ETS1: variants seen among roughly 807,000 people sequenced by gnomAD.
ETS1 encodes ETS proto-oncogene 1, transcription factor, also known as protein C-ets-1.
Under a neutral mutation model 58.6 loss-of-function variants are expected in ETS1, and 15 were observed. That is an observed-to-expected ratio of 0.26 (90% confidence interval 0.17 to 0.39). ETS1 has a LOEUF of 0.39. Among genes scored for constraint, ETS1 ranks in the 10% least tolerant of loss-of-function variants. The pLI is 1.00. For missense variants in ETS1, 417 were observed against 610.5 expected (o/e 0.68, Z 3.34); for synonymous variants, 214 against 218.2 (o/e 0.98, Z 0.17).
intron 3 of ETS1, chr11:128,526,962 A>G (rs1422548885): frequency 2.2e-6 from 1 of 456,302 alleles, no homozygotes; most frequent in Non-Finnish European, 4.4e-6. Flanking sequence ...CAGTGTCAGT[A>G]CTAGAACCAG....
In ETS1 at chr11:128,567,794, G is replaced by A. The variant is rs538889315; in HGVS notation, c.69+5268C>T. 9.9e-5 allele frequency among the ~76,000 whole-genome samples: 15 copies of A among 152,054 alleles called. No homozygotes were observed. The South Asian group carries it at 1.5e-3, about 15-fold the overall frequency. The stretch of plus-strand genomic sequence containing the variant: ...ATTACAGGCGTCCAATACCACACCC[G>A]GCTAATTTTTTGTATTTTTAGTAGA... On this transcript the variant is annotated intron_variant, in intron 2 of 9. Transcript: ENST00000392668.
chr11:128,563,249 A>G (rs1452840886), intron 2 of ETS1, among the ~76,000 whole-genome samples: 2 of 152,226 alleles, frequency 1.3e-5, no homozygotes, highest in African/African-American at 2.4e-5. Context: ...GACACTATAC[A>G]TATTTCTAGA....
At chr11:128,573,533 G>T (rs1044949499) in intron 1 of ETS1, among the ~76,000 whole-genome samples, 1 of 152,176 alleles carries the variant, frequency 6.6e-6, no homozygotes, top group Non-Finnish European at 1.5e-5. Flanking sequence ...CACAGTTGGG[G>T]TGTAAATTAA....
chr11:128,575,992 A>C (rs1345425559), intron 1 of ETS1, among the ~76,000 whole-genome samples: 1 of 152,244 alleles, frequency 6.6e-6, no homozygotes, highest in Non-Finnish European at 1.5e-5. Flanking sequence ...GGTCAGTGGA[A>C]ATATGTTTTC....
At chr11:128,525,024 C>T (rs1863773242) in intron 3 of ETS1, among the ~76,000 whole-genome samples, 2 of 126,334 alleles carry the variant, frequency 1.6e-5, no homozygotes, top group Admixed American at 1.5e-4. Context: ...TTTTAAGGCA[C>T]TCAGGAAAAA....
chr11:128,554,517 A>T (rs1330170177), intron 3 of ETS1, among the ~76,000 whole-genome samples: 1 of 152,164 alleles, frequency 6.6e-6, no homozygotes, highest in Non-Finnish European at 1.5e-5. Context: ...TGAAATAAAA[A>T]CATCTTTACC....
intron 3 of ETS1, among the ~76,000 whole-genome samples, chr11:128,525,287 G>A: frequency 6.6e-6 from 1 of 151,866 alleles, no homozygotes; most frequent in Non-Finnish European, 1.5e-5. Flanking sequence ...CTTCATACAG[G>A]AATTCCTCAA....
chr11:128,465,825 G>C (rs1454465479), intron 8 of ETS1, among the ~76,000 whole-genome samples: 1 of 152,164 alleles, frequency 6.6e-6, no homozygotes, highest in Non-Finnish European at 1.5e-5. Context: ...AATTCTGTGG[G>C]GTGGATGCAA....
At chr11:128,567,608 T>G (rs1423456670) in intron 2 of ETS1, among the ~76,000 whole-genome samples, 1 of 146,604 alleles carries the variant, frequency 6.8e-6, no homozygotes, top group Non-Finnish European at 1.5e-5. Context: ...TTTTGTTTTT[T>G]GGGTTTTGTT....
At chr11:128,499,869 G>A (rs1172179256) in intron 3 of ETS1, among the ~76,000 whole-genome samples, 1 of 152,066 alleles carries the variant, frequency 6.6e-6, no homozygotes, top group African/African-American at 2.4e-5. Flanking sequence ...TGTACGATGA[G>A]GAGTTTTCTC....
intron 2 of ETS1, among the ~76,000 whole-genome samples, chr11:128,564,729 G>A (rs778999575): frequency 1.2e-3 from 185 of 152,190 alleles, no homozygotes; most frequent in Admixed American, 2.2e-3. Context: ...GTTGCCCCTC[G>A]CTTAGCATGA....
At chr11:128,543,212 T>G (rs1447831546) in intron 3 of ETS1, among the ~76,000 whole-genome samples, 1 of 151,404 alleles carries the variant, frequency 6.6e-6, no homozygotes, top group Non-Finnish European at 1.5e-5. Context: ...AAAAAAAAAT[T>G]ATTTAAAGAG....
intron 8 of ETS1, among the ~76,000 whole-genome samples, chr11:128,477,967 G>A (rs1453187488): frequency 1.3e-5 from 2 of 152,058 alleles, no homozygotes; most frequent in Admixed American, 6.5e-5. Context: ...AAGTAGAAAA[G>A]GGTACAAGGT....
At chr11:128,516,766 A>G (rs1863535899) in intron 3 of ETS1, among the ~76,000 whole-genome samples, 1 of 152,236 alleles carries the variant, frequency 6.6e-6, no homozygotes, top group African/African-American at 2.4e-5. Flanking sequence ...TATGAGGCAT[A>G]GGCAGCAAAT....
chr11:128,543,519 C>G, intron 3 of ETS1, among the ~76,000 whole-genome samples: 1 of 152,158 alleles, frequency 6.6e-6, no homozygotes, highest in African/African-American at 2.4e-5. Context: ...CAGACCTTCC[C>G]TCCTTAGCCC....
chr11:128,468,036 C>G (rs979115221), intron 8 of ETS1, among the ~76,000 whole-genome samples: 11 of 152,122 alleles, frequency 7.2e-5, no homozygotes, highest in African/African-American at 2.7e-4. Context: ...GAGGACAGTT[C>G]TTACTACACA....
intron 3 of ETS1, among the ~76,000 whole-genome samples, chr11:128,501,000 TC>T (rs1863075487): frequency 6.6e-6 from 1 of 152,220 alleles, no homozygotes; most frequent in South Asian, 2.1e-4. Context: ...AAATCTGCCT[TC>T]TTATGAATTC....
chr11:128,583,248 G>T (rs917190885), intron 1 of ETS1, among the ~76,000 whole-genome samples: 2 of 152,226 alleles, frequency 1.3e-5, no homozygotes, highest in Non-Finnish European at 2.9e-5. Context: ...GAACAGGCAA[G>T]ACTTCTGTGC....
At chr11:128,567,854 G>A (rs1366949077) in intron 2 of ETS1, among the ~76,000 whole-genome samples, 2 of 152,032 alleles carry the variant, frequency 1.3e-5, no homozygotes, top group African/African-American at 2.4e-5. Flanking sequence ...GGCTGGTCTC[G>A]AACTCCTGAC....
Sources: gnomAD v4.1 joint callset for allele counts (sites outside exome capture counted in the v4.1 genomes callset) on GRCh38, gnomAD v4.1.1 for gene constraint, MANE v1.5 for transcripts, NCBI Gene and HGNC (gene_info 2026-07-23, HGNC 2026-07-21) for gene names.